The following XPO4 variants were observed in gnomAD, a reference collection of about 807,000 sequenced individuals.
The protein encoded by XPO4 is exportin-4.
In XPO4, 39 loss-of-function variants were observed where a neutral mutation model predicts 143.0. That is an observed-to-expected ratio of 0.27 (90% CI 0.21 to 0.36). The LOEUF (loss-of-function observed/expected upper bound fraction) is 0.36, where lower values mean the gene tolerates loss of function less well. Ranked by LOEUF, XPO4 falls within the 10% of genes least tolerant of loss-of-function variation. XPO4 has a pLI of 1.00. For missense variants in XPO4, 907 were observed against 1,348.0 expected (o/e 0.67, Z 5.12); for synonymous variants, 439 against 474.0 (o/e 0.93, Z 0.96).
chr13:20,837,208 C>T (rs1352437730), intron 6 of XPO4, among the ~76,000 whole-genome samples: 1 of 152,112 alleles, frequency 6.6e-6, no homozygotes, highest in East Asian at 1.9e-4. Context: ...TTGTGTGGGG[C>T]TGTCCCGTGC....
Position 20,873,064 on chromosome 13 carries a change from G to A in XPO4, c.70-4363C>T, listed in dbSNP as rs2060316080. ...ATCAGAAGGATTGGAAGCAATAGGAGGTGGTAGTAGAGACCCGTGACCATT... is the reference window on the plus strand; with the variant it reads ...ATCAGAAGGATTGGAAGCAATAGGAAGTGGTAGTAGAGACCCGTGACCATT... On this transcript the variant is annotated intron_variant, in intron 1 of 22. Coordinates refer to ENST00000255305, the MANE Select transcript of XPO4 (RefSeq NM_022459.5). Among the ~76,000 whole-genome samples, 4 of 151,000 alleles carry A rather than the reference G, an allele frequency of 2.6e-5. No homozygotes were observed. In the South Asian group the frequency reaches 8.4e-4, roughly 32 times the overall value.
At chr13:20,878,161 A>C (rs558787408) in intron 1 of XPO4, among the ~76,000 whole-genome samples, 1 of 152,312 alleles carries the variant, frequency 6.6e-6, no homozygotes, top group Admixed American at 6.5e-5. Flanking sequence ...TGACAGAGCC[A>C]GATGCCACCT....
intron 4 of XPO4, chr13:20,850,382 T>A (rs1358753959): frequency 3.2e-6 from 2 of 617,530 alleles, no homozygotes; most frequent in African/African-American, 4.0e-5. Flanking sequence ...GAGCTGGGAT[T>A]TAAACCCAAG....
At chr13:20,814,264 CAT>C (rs940051348) in intron 9 of XPO4, among the ~76,000 whole-genome samples, 13 of 150,260 alleles carry the variant, frequency 8.7e-5, no homozygotes, top group African/African-American at 2.0e-4. Context: ...ATATCTAACA[CAT>C]GTTATCGTGG....
chr13:20,806,195 C>T (rs1053401550), intron 13 of XPO4, among the ~76,000 whole-genome samples: 1 of 152,050 alleles, frequency 6.6e-6, no homozygotes, highest in Admixed American at 6.6e-5. Context: ...TAAGGTAATC[C>T]TAAAATGAAT....
intron 1 of XPO4, among the ~76,000 whole-genome samples, chr13:20,878,231 T>C (rs190957061): frequency 7.2e-5 from 11 of 152,140 alleles, no homozygotes; most frequent in Admixed American, 5.9e-4. Context: ...CTGCTAATGG[T>C]AATATAAAAT....
intron 4 of XPO4, chr13:20,850,036 G>T: frequency 1.2e-6 from 1 of 831,534 alleles, no homozygotes; most frequent in Non-Finnish European, 1.5e-6. Context: ...AACCCAGGAG[G>T]CGGAGGTTGT....
At chr13:20,848,829 T>C (rs925229106) in intron 4 of XPO4, 7 of 985,184 alleles carry the variant, frequency 7.1e-6, no homozygotes, top group Admixed American at 6.2e-5. Context: ...AATTTTAATA[T>C]GTCAAACAAG....
At chr13:20,815,982 A>C (rs2059645179) in intron 9 of XPO4, among the ~76,000 whole-genome samples, 1 of 152,226 alleles carries the variant, frequency 6.6e-6, no homozygotes, top group African/African-American at 2.4e-5. Flanking sequence ...AGGTTAAAAA[A>C]CAACAGAAAA....
chr13:20,786,563 TA>T (rs1179325073), intron 22 of XPO4, among the ~76,000 whole-genome samples: 1 of 152,110 alleles, frequency 6.6e-6, no homozygotes, highest in Non-Finnish European at 1.5e-5. Context: ...TAATATGCAA[TA>T]AAATACTGTC....
chr13:20,886,139 C>T (rs1008275522), intron 1 of XPO4, among the ~76,000 whole-genome samples: 3 of 152,150 alleles, frequency 2.0e-5, no homozygotes, highest in Non-Finnish European at 2.9e-5. Context: ...CAAACACATA[C>T]TGAACAAAAA....
chr13:20,851,152 A>G, intron 4 of XPO4: 1 of 985,426 alleles, frequency 1.0e-6, no homozygotes, highest in Non-Finnish European at 1.2e-6. Flanking sequence ...AATTCTTAAC[A>G]GTCCAAGAAG....
chr13:20,799,020 CA>C, intron 16 of XPO4, 144 bp downstream of exon 16: 1 of 778,164 alleles, frequency 1.3e-6, no homozygotes, highest in Non-Finnish European at 1.9e-6. Flanking sequence ...GACCCTATCT[CA>C]GAAAAAAAAA....
chr13:20,889,373 T>C (rs960811458), intron 1 of XPO4, among the ~76,000 whole-genome samples: 4 of 152,124 alleles, frequency 2.6e-5, no homozygotes, highest in South Asian at 2.1e-4. Flanking sequence ...AGACCTTGAG[T>C]CTTCAGATGA....
chr13:20,784,749 C>T (rs1256706427), intron 22 of XPO4, among the ~76,000 whole-genome samples: 1 of 152,154 alleles, frequency 6.6e-6, no homozygotes, highest in South Asian at 2.1e-4. Flanking sequence ...TTGAGACCAG[C>T]CTGAGCAACA....
intron 13 of XPO4, among the ~76,000 whole-genome samples, chr13:20,804,271 G>A (rs2059474974): frequency 6.7e-6 from 1 of 148,650 alleles, no homozygotes; most frequent in South Asian, 2.1e-4. Context: ...ATACACACAA[G>A]CATTGTGCCT....
intron 13 of XPO4, among the ~76,000 whole-genome samples, chr13:20,805,923 C>CA (rs1566570841): frequency 1.4e-5 from 2 of 143,984 alleles, no homozygotes; most frequent in African/African-American, 2.5e-5. Flanking sequence ...AACATGGTGA[C>CA]TTTTTTTTTT....
At chr13:20,858,733 T>C (rs1166428561) in intron 3 of XPO4, among the ~76,000 whole-genome samples, 1 of 151,480 alleles carries the variant, frequency 6.6e-6, no homozygotes, top group Non-Finnish European at 1.5e-5. Flanking sequence ...TAGCTGGGCA[T>C]GGTGGCGCAT....
chr13:20,865,608 G>T, intron 2 of XPO4: 1 of 957,070 alleles, frequency 1.0e-6, no homozygotes, highest in Non-Finnish European at 1.2e-6. Context: ...TCAGCCATCT[G>T]AAACTAAACA....
Sources: gnomAD v4.1 joint callset for allele counts (sites outside exome capture counted in the v4.1 genomes callset) on GRCh38, gnomAD v4.1.1 for gene constraint, MANE v1.5 for transcripts, NCBI Gene and HGNC (gene_info 2026-07-23, HGNC 2026-07-21) for gene names.